Variants in LRP1B observed in about 807,000 individuals in gnomAD.
LRP1B encodes the protein LDL receptor related protein 1B.
Under a neutral mutation model 556.6 loss-of-function variants are expected in LRP1B, and 217 were observed. That is an observed-to-expected ratio of 0.39 (90% CI 0.35 to 0.44). LRP1B has a LOEUF of 0.44. Among genes scored for constraint, LRP1B ranks in the 20% least tolerant of loss-of-function variants. The pLI, the probability that LRP1B is intolerant of heterozygous loss-of-function variation, is 1.00. For synonymous variants in LRP1B, 2,047 were observed against 1,865.8 expected (o/e 1.10, Z -2.50); for missense variants, 5,053 against 5,620.8 (o/e 0.90, Z 3.23).
chr2:140,443,067 G>T (rs1157718078), intron 65 of LRP1B, among the ~76,000 whole-genome samples: 2 of 152,062 alleles, frequency 1.3e-5, no homozygotes, highest in African/African-American at 4.8e-5. Context: ...GAATTGTGTT[G>T]AGTTTTACAT....
chr2:141,299,233 G>A (rs529872878), intron 3 of LRP1B, among the ~76,000 whole-genome samples: 2 of 152,214 alleles, frequency 1.3e-5, no homozygotes, highest in Admixed American at 6.5e-5. Context: ...ATGTGATAAG[G>A]CCTTCAGACA....
intron 35 of LRP1B, among the ~76,000 whole-genome samples, chr2:140,765,685 A>T (rs933742210): frequency 6.6e-6 from 1 of 152,216 alleles, no homozygotes; most frequent in East Asian, 1.9e-4. Flanking sequence ...TAGAAAAAAC[A>T]ATTTGTTCAT....
intron 84 of LRP1B, among the ~76,000 whole-genome samples, chr2:140,292,881 G>GC (rs1683447308): frequency 6.6e-6 from 1 of 152,050 alleles, no homozygotes; most frequent in Non-Finnish European, 1.5e-5. Flanking sequence ...AATACGATAG[G>GC]CTTATATCTA....
At chr2:140,488,791 C>T (rs971116960) in intron 57 of LRP1B, among the ~76,000 whole-genome samples, 1 of 151,880 alleles carries the variant, frequency 6.6e-6, no homozygotes, top group Admixed American at 6.6e-5. Flanking sequence ...AAAGTTGATG[C>T]TATGTCTCAA....
chr2:141,392,745 TCA>T (rs892525021), intron 3 of LRP1B, among the ~76,000 whole-genome samples: 12 of 152,268 alleles, frequency 7.9e-5, no homozygotes, highest in African/African-American at 2.6e-4. Context: ...ATTCTCCCTC[TCA>T]GAGGGACTTA....
chr2:140,397,562 G>C lies in LRP1B; in HGVS notation c.10415-11553C>G, dbSNP rs537223802. 3.3e-5 allele frequency among the ~76,000 whole-genome samples: 5 copies of C among 152,140 alleles called. No individual in the cohort carries two copies. In the East Asian group the frequency reaches 7.7e-4, roughly 24 times the overall value. On this transcript the variant is annotated intron_variant, in intron 66 of 90. Transcript: ENST00000389484. ...ATACAACACAGGGGCAAGCTCCATG[G>C]CGTGTTTCTGACTATAAATAAAATT...
intron 7 of LRP1B, among the ~76,000 whole-genome samples, chr2:141,155,708 A>G (rs1702049905): frequency 6.6e-6 from 1 of 152,136 alleles, no homozygotes; most frequent in Admixed American, 6.6e-5. Context: ...CCCCTTATGT[A>G]TTAAAATTGT....
At chr2:141,070,199 C>A (rs1699599031) in intron 7 of LRP1B, among the ~76,000 whole-genome samples, 1 of 151,772 alleles carries the variant, frequency 6.6e-6, no homozygotes, top group Non-Finnish European at 1.5e-5. Flanking sequence ...AATCCAGAAA[C>A]TCACTCAAAA....
chr2:140,292,286 A>C (rs979057671), intron 84 of LRP1B, among the ~76,000 whole-genome samples: 5 of 152,216 alleles, frequency 3.3e-5, no homozygotes, highest in African/African-American at 1.2e-4. Flanking sequence ...ATATTCACAT[A>C]TTAGATAAAA....
chr2:141,041,738 TG>T (rs1698706321), intron 11 of LRP1B, among the ~76,000 whole-genome samples: 1 of 152,126 alleles, frequency 6.6e-6, no homozygotes, highest in Non-Finnish European at 1.5e-5. Context: ...AGATTCTGAA[TG>T]GTCACAACAT....
At chr2:141,286,841 A>G (rs965543524) in intron 3 of LRP1B, 3 of 340,582 alleles carry the variant, frequency 8.8e-6, no homozygotes, top group Non-Finnish European at 1.9e-5. Context: ...ATGCTGCCCA[A>G]TTGAACTTTC....
chr2:141,150,109 G>C lies in LRP1B; in HGVS notation c.1013+38312C>G, dbSNP rs76177133. On this transcript the variant is annotated intron_variant, in intron 7 of 90. Transcript: ENST00000389484. Reference sequence around the variant, plus strand: ...TTATGAAGTGGGCCATGTCACCCAGGTCCACTGAACAGGCATCAGGCAGGA... The same window carrying C: ...TTATGAAGTGGGCCATGTCACCCAGCTCCACTGAACAGGCATCAGGCAGGA... Among the ~76,000 whole-genome samples the C allele has an allele frequency of 7.3e-3, 1,105 of 152,286 alleles. 7 individuals carry two copies. The highest frequency in any genetic ancestry group is 0.011 in the Non-Finnish European group (716 of 68,026).
chr2:140,946,660 G>T (rs1695558205), intron 20 of LRP1B, among the ~76,000 whole-genome samples: 1 of 151,920 alleles, frequency 6.6e-6, no homozygotes, highest in Non-Finnish European at 1.5e-5. Context: ...ATTTGACCCA[G>T]CAATCTCATT....
intron 62 of LRP1B, among the ~76,000 whole-genome samples, chr2:140,452,945 TTG>T (rs1450047651): frequency 2.2e-4 from 31 of 142,224 alleles, no homozygotes; most frequent in Non-Finnish European, 3.2e-4. Context: ...TACATGTCTG[TTG>T]TGTGTGTGTG....
chr2:140,264,680 C>CA (rs11324295), intron 86 of LRP1B, among the ~76,000 whole-genome samples: 1 of 150,394 alleles, frequency 6.6e-6, no homozygotes, highest in Admixed American at 6.6e-5. Flanking sequence ...CATAAAATGA[C>CA]AAAAAAAAAA....
In LRP1B at chr2:141,235,089, A is replaced by G. The variant is rs570663078; in HGVS notation, c.593-5649T>C. On this transcript the variant is annotated intron_variant, in intron 5 of 90. Coordinates refer to ENST00000389484, the MANE Select transcript of LRP1B (RefSeq NM_018557.3). ...AAACTGTTCTATCACATTTTATTAT[A>G]GAAATAATATATAAATCAAATTAGG... 2.0e-5 allele frequency among the ~76,000 whole-genome samples: 3 copies of G among 152,272 alleles called. No individual in the cohort carries two copies. The South Asian group carries it at 6.2e-4, about 32-fold the overall frequency.
chr2:141,919,410 C>T (rs1700120815), intron 1 of LRP1B, among the ~76,000 whole-genome samples: 1 of 151,996 alleles, frequency 6.6e-6, no homozygotes, highest in Admixed American at 6.6e-5. Context: ...AGAAATGAAG[C>T]AGTGTTAGAT....
At chr2:141,044,173 G>A (rs1698793742) in intron 11 of LRP1B, among the ~76,000 whole-genome samples, 1 of 151,666 alleles carries the variant, frequency 6.6e-6, no homozygotes, top group Non-Finnish European at 1.5e-5. Context: ...ATGGGGAAAG[G>A]ATTCCCTATT....
At chr2:141,477,299 A>G (rs1042962811) in intron 3 of LRP1B, among the ~76,000 whole-genome samples, 1 of 138,096 alleles carries the variant, frequency 7.2e-6, no homozygotes, top group African/African-American at 2.6e-5. Context: ...ATTGTTCTGG[A>G]AAAAAAAAAA....
Sources: gnomAD v4.1 joint callset for allele counts (sites outside exome capture counted in the v4.1 genomes callset) on GRCh38, gnomAD v4.1.1 for gene constraint, MANE v1.5 for transcripts, NCBI Gene and HGNC (gene_info 2026-07-23, HGNC 2026-07-21) for gene names.